The following DUXB variants were observed in gnomAD, a reference collection of about 807,000 sequenced individuals.
DUXB encodes the protein double homeobox protein B.
Under a neutral mutation model 8.9 loss-of-function variants are expected in DUXB, and 22 were observed. That is an observed-to-expected ratio of 2.46 (90% CI 1.76 to 3.52). The LOEUF (loss-of-function observed/expected upper bound fraction) is 3.52. Ranked by LOEUF, DUXB falls within the 30% of genes most tolerant of loss-of-function variation. DUXB has a pLI of 0.00. For missense variants in DUXB, 237 were observed against 108.7 expected (o/e 2.18, Z -5.25); for synonymous variants, 84 against 37.6 (o/e 2.23, Z -4.52).
intron 3 of DUXB, 118 bp from the exon 4 acceptor site, chr16:75,696,233 T>A (rs2082606098): frequency 1.6e-6 from 1 of 629,748 alleles, no homozygotes; most frequent in Non-Finnish European, 2.8e-6. Flanking sequence ...GCAGAAGAGG[T>A]CATTGCTCTG....
intron 4 of DUXB, among the ~76,000 whole-genome samples, chr16:75,695,651 A>T (rs2082599758): frequency 6.6e-6 from 1 of 152,214 alleles, no homozygotes; most frequent in South Asian, 2.1e-4. Flanking sequence ...ATATCCTACC[A>T]TGCACAGGGT....
At chr16:75,695,815 G>A (rs2082601217) in intron 4 of DUXB, 146 bp downstream of exon 4, 1 of 594,072 alleles carries the variant, frequency 1.7e-6, no homozygotes, top group Non-Finnish European at 3.0e-6. Context: ...GACAAAAACG[G>A]GACTTTCAGT....
At chr16:75,699,734 TG>T (rs1267312590) in intron 2 of DUXB, among the ~76,000 whole-genome samples, 1 of 152,088 alleles carries the variant, frequency 6.6e-6, no homozygotes, top group Non-Finnish European at 1.5e-5. Context: ...AATTTTTTTT[TG>T]TATTTTTAGT....
At position 75,694,044 on chromosome 16, in the gene DUXB, C is replaced by G. The variant is rs2082582896; in HGVS notation, c.923G>C (p.Arg308Thr). ...ACCCAGATTTAGAGGTTGTTGCTCCCTGTGCTCAGGTTCAGGCTGAGAATG... is the reference window on the plus strand; with the variant it reads ...ACCCAGATTTAGAGGTTGTTGCTCCGTGTGCTCAGGTTCAGGCTGAGAATG... ...KSHSQPEPEH[R>T]EQQPLNLGQF... Residue 308 changes from arginine to threonine, a missense_variant, in exon 5 of 5, where the codon AGG becomes ACG. Arg to Thr is a moderately conservative substitution (Grantham distance 71, BLOSUM62 -1). Transcript: ENST00000633875. 2.5e-6 allele frequency: 1 copy of G among 404,542 alleles called. No homozygotes were observed. The highest frequency in any genetic ancestry group is 4.3e-6 in the Non-Finnish European group (1 of 230,488). The allele number at this position is 404,542 out of a possible 1,614,324, so 25.1% of individuals were successfully genotyped here.
chr16:75,697,293 G>C (rs571018060), intron 2 of DUXB, among the ~76,000 whole-genome samples: 1 of 152,048 alleles, frequency 6.6e-6, no homozygotes, highest in South Asian at 2.1e-4. Flanking sequence ...ATCTTTTCTT[G>C]ATCCTCAACA....
rs1218326942 is a variant in DUXB, at chr16:75,694,138, G to C, written c.829C>G (p.Leu277Val). The part of the protein sequence containing the change: ...KDLDTPTPFW[L>V]QYQEEHQNHK... ...TTTTGGTGTTCTTCTTGGTATTGGA[G>C]CCAGAAGGGAGTCGGAGTATCTAAG... Residue 277 changes from leucine (L) to valine (V), a missense_variant, in exon 5 of 5, where the codon CTC (leucine) becomes GTC (valine). Leu to Val is a conservative substitution (Grantham distance 32). Transcript: ENST00000633875. The C allele has an allele frequency of 2.1e-5, 9 of 436,692 alleles. No homozygotes were observed. The East Asian group carries it at 2.7e-4, about 13-fold the overall frequency. The allele number at this position is 436,692 out of a possible 1,614,324, so 27.1% of individuals were successfully genotyped here.
rs910984383 is a variant in DUXB at position 75,694,508 on chromosome 16, T to C, written c.459A>G (p.Gln153=). Residue 153 remains glutamine (Q), a synonymous_variant, in exon 5 of 5, where the codon CAA becomes CAG. Transcript: ENST00000633875. Reference sequence around the variant, plus strand: ...TGCTCTTCTTGAGGTACAGAGATCTTTGTTTCTGAAACCACATCTAAATGA... The same window carrying C: ...TGCTCTTCTTGAGGTACAGAGATCTCTGTTTCTGAAACCACATCTAAATGA... ...ESRIQMWFQK[Q]RSLYLKKSRM... is the part of the protein sequence containing the mutation. 4.3e-6 allele frequency: 3 copies of C among 702,938 alleles called. No individual in the cohort carries two copies. Among genetic ancestry groups the C allele is most frequent in the African/African-American group, 3.5e-5 (2 of 57,264 alleles). The allele number at this position is 702,938 out of a possible 1,614,324, so 43.5% of individuals were successfully genotyped here. A position where few individuals can be genotyped will look rare whatever the true frequency, so the allele number is the denominator to read the frequency against.
chr16:75,701,365 G>C, intron 1 of DUXB, 29 bp downstream of exon 1: 1 of 398,606 alleles, frequency 2.5e-6, no homozygotes, highest in East Asian at 3.6e-5. Context: ...CAATCCCAAA[G>C]AACAGAGAAA....
At chr16:75,697,029 T>G in intron 2 of DUXB, 86 bp from the exon 3 acceptor site, 1 of 648,436 alleles carries the variant, frequency 1.5e-6, no homozygotes. Context: ...CAAAACTGAT[T>G]TGACTGCCTG....
intron 2 of DUXB, among the ~76,000 whole-genome samples, chr16:75,697,614 T>C (rs2082619240): frequency 6.6e-6 from 1 of 152,226 alleles, no homozygotes; most frequent in Non-Finnish European, 1.5e-5. Flanking sequence ...TTTTGATAAT[T>C]AGATCATTCT....
intron 2 of DUXB, 94 bp downstream of exon 2, chr16:75,699,921 T>C (rs1229933387): frequency 3.5e-6 from 2 of 563,752 alleles, no homozygotes; most frequent in African/African-American, 1.9e-5. Context: ...ATACCTGATA[T>C]AACCTGATAT....
At chr16:75,701,250 C>A in intron 1 of DUXB, 144 bp downstream of exon 1, 1 of 396,432 alleles carries the variant, frequency 2.5e-6, no homozygotes, top group East Asian at 3.6e-5. Flanking sequence ...GCTGTTCTGA[C>A]ACAATTTATC....
At chr16:75,696,746 A>G in intron 3 of DUXB, 92 bp downstream of exon 3, 4 of 622,082 alleles carry the variant, frequency 6.4e-6, no homozygotes, top group East Asian at 2.8e-5. Flanking sequence ...CCAGGATGCC[A>G]GAACCAGCTA....
intron 1 of DUXB, among the ~76,000 whole-genome samples, chr16:75,700,877 T>G (rs1959206636): frequency 6.6e-6 from 1 of 152,100 alleles, no homozygotes; most frequent in South Asian, 2.1e-4. Flanking sequence ...TATATAAACA[T>G]TTAAATATAT....
In DUXB at chr16:75,700,000, A is replaced by C. The variant is rs1165130918; in HGVS notation, c.180+15T>G. ...ATGGTTCTGACAGGTAATGAAGTAGAAATCTAATGCCTACCTGAATATTAG... is the reference window on the plus strand; with the variant it reads ...ATGGTTCTGACAGGTAATGAAGTAGCAATCTAATGCCTACCTGAATATTAG... On this transcript the variant is annotated intron_variant, in intron 2 of 4. Transcript: ENST00000633875. The C allele has an allele frequency of 4.4e-6, 3 of 688,814 alleles. No homozygotes were observed. Among genetic ancestry groups the C allele is most frequent in the Non-Finnish European group, 7.9e-6 (3 of 379,856 alleles). 42.7% of individuals were successfully genotyped at this position (688,814 alleles called of 1,614,324 possible). A position where few individuals can be genotyped will look rare whatever the true frequency, so the allele number is the denominator to read the frequency against.
rs371898614 is a variant in DUXB at position 75,700,501 on chromosome 16, A to AATT, written c.26-335_26-333dup. On this transcript the variant is annotated intron_variant, in intron 1 of 4. Transcript: ENST00000633875. Reference sequence around the variant, plus strand: ...CCTGTCCTGGCCTCCCCATTTTGTTAATTATTATTATTATTATTATTGTTA... The same window carrying AATT: ...CCTGTCCTGGCCTCCCCATTTTGTTAATTATTATTATTATTATTATTATTGTTA... Among the ~76,000 whole-genome samples the AATT allele has an allele frequency of 5.4e-3, 805 of 150,368 alleles. 7 individuals carry two copies. The highest frequency in any genetic ancestry group is 0.017 in the African/African-American group (690 of 40,914).
chr16:75,699,936 G>T (rs759944276), intron 2 of DUXB, 79 bp downstream of exon 2: 58 of 580,538 alleles, frequency 1.0e-4, no homozygotes, highest in Non-Finnish European at 1.6e-4. Context: ...TGATATAAGA[G>T]AATTGGCAAA....
rs139132801 is a variant in DUXB at position 75,701,091 on chromosome 16, A to G, written c.25+303T>C. 3.9e-5 allele frequency among the ~76,000 whole-genome samples: 6 copies of G among 152,306 alleles called. No homozygotes were observed. In the East Asian group the frequency reaches 1.2e-3, roughly 29 times the overall value. On this transcript the variant is annotated intron_variant, in intron 1 of 4. Coordinates refer to ENST00000633875, the MANE Select transcript of DUXB (RefSeq NM_001351307.2). ...TAATGACAAAGAATATATCTCAGTA[A>G]AATTCAGTAGGCTGCATTAGACAGT...
At chr16:75,695,550 G>T (rs987234763) in intron 4 of DUXB, among the ~76,000 whole-genome samples, 1 of 152,210 alleles carries the variant, frequency 6.6e-6, no homozygotes, top group Admixed American at 6.5e-5. Flanking sequence ...GACTATGTCT[G>T]TGATTTATTT....
Sources: allele counts gnomAD v4.1 joint callset (sites outside exome capture counted in the v4.1 genomes callset), GRCh38; gene constraint gnomAD v4.1.1; transcripts MANE v1.5; gene names NCBI Gene and HGNC (gene_info 2026-07-23, HGNC 2026-07-21).